Variants in ENOX2 observed in about 807,000 individuals in gnomAD.
The protein encoded by ENOX2 is ecto-NOX disulfide-thiol exchanger 2.
A neutral mutation model predicts 45.0 loss-of-function variants in ENOX2; 36 were observed. The ratio of observed to expected loss-of-function variants is 0.80; its 90% CI spans 0.61 to 1.06. The LOEUF is 1.06. Ranked by LOEUF, ENOX2 falls within the 50% of genes least tolerant of loss-of-function variation. The pLI is 0.00. For synonymous variants in ENOX2, 174 were observed against 152.3 expected (o/e 1.14, Z -1.05); for missense variants, 423 against 462.5 (o/e 0.91, Z 0.78).
intron 2 of ENOX2, among the ~76,000 whole-genome samples, chrX:130,865,817 T>C (rs1382463227): frequency 9.0e-6 from 1 of 111,361 alleles, no homozygotes; most frequent in East Asian, 2.8e-4. Context: ...AATTGTTTTT[T>C]CAGCCTTCTT....
chrX:130,774,437 T>C (rs756720212), intron 3 of ENOX2, among the ~76,000 whole-genome samples: 10 of 112,185 alleles, frequency 8.9e-5, no homozygotes, highest in Non-Finnish European at 1.9e-4. Flanking sequence ...AATTAGTATC[T>C]GTGTTTGTTT....
At chrX:130,662,334 C>G (rs1221552223) in intron 9 of ENOX2, among the ~76,000 whole-genome samples, 2 of 112,388 alleles carry the variant, frequency 1.8e-5, no homozygotes, top group African/African-American at 6.5e-5. Flanking sequence ...TTTCTCTCAG[C>G]AGAGTAAGAC....
intron 3 of ENOX2, among the ~76,000 whole-genome samples, chrX:130,719,357 C>T (rs1389565663): frequency 2.7e-5 from 3 of 109,552 alleles, no homozygotes; most frequent in African/African-American, 1.0e-4. Flanking sequence ...GTTAGGCTAC[C>T]TGCTTAGGTG....
At chrX:130,856,190 C>T (rs1235510401) in intron 2 of ENOX2, among the ~76,000 whole-genome samples, 1 of 112,491 alleles carries the variant, frequency 8.9e-6, no homozygotes, top group Non-Finnish European at 1.9e-5. Flanking sequence ...GCCTTATCCA[C>T]CATGATGGTA....
intron 3 of ENOX2, among the ~76,000 whole-genome samples, chrX:130,770,147 C>G (rs2039705213): frequency 8.9e-6 from 1 of 111,824 alleles, no homozygotes; most frequent in African/African-American, 3.3e-5. Context: ...TTAGCACATA[C>G]CAGATTCCAC....
intron 2 of ENOX2, among the ~76,000 whole-genome samples, chrX:130,807,431 G>T (rs1032068908): frequency 9.0e-6 from 1 of 111,460 alleles, no homozygotes; most frequent in African/African-American, 3.3e-5. Context: ...CAGAGAAAAA[G>T]AAGTTTCAGA....
chrX:130,800,327 A>G (rs2077197083), intron 2 of ENOX2, among the ~76,000 whole-genome samples: 1 of 106,820 alleles, frequency 9.4e-6, no homozygotes, highest in African/African-American at 3.5e-5. Context: ...GTATTGTTAT[A>G]CAGCAATGAG....
intron 9 of ENOX2, among the ~76,000 whole-genome samples, chrX:130,664,666 C>T (rs1235125773): frequency 8.9e-6 from 1 of 112,376 alleles, no homozygotes; most frequent in Non-Finnish European, 1.9e-5. Context: ...ATAACTTGCT[C>T]AGTCACACAG....
chrX:130,879,679 A>T (rs1367369972), intron 2 of ENOX2, among the ~76,000 whole-genome samples: 1 of 112,192 alleles, frequency 8.9e-6, no homozygotes, highest in African/African-American at 3.2e-5. Flanking sequence ...ACTAACAAGG[A>T]TTAAATAAAA....
At chrX:130,845,373 C>T (rs1325472071) in intron 2 of ENOX2, among the ~76,000 whole-genome samples, 1 of 112,620 alleles carries the variant, frequency 8.9e-6, no homozygotes, top group East Asian at 2.8e-4. Flanking sequence ...AACCATTATC[C>T]TTGCCAACAT....
chrX:130,638,431 AACACACACACACACACACAC>A (rs34648095), intron 10 of ENOX2, among the ~76,000 whole-genome samples: 1 of 92,767 alleles, frequency 1.1e-5, no homozygotes, highest in Non-Finnish European at 2.2e-5. Context: ...AACAATTTGA[AACACACACACACACACACAC>A]ACACACACAC....
At chrX:130,902,485 G>A (rs1194678838) in intron 1 of ENOX2, among the ~76,000 whole-genome samples, 1 of 110,126 alleles carries the variant, frequency 9.1e-6, no homozygotes, top group Non-Finnish European at 1.9e-5. Context: ...AGGTGGCTGA[G>A]GGGCCAGTAA....
intron 2 of ENOX2, among the ~76,000 whole-genome samples, chrX:130,784,356 A>G (rs186415164): frequency 1.8e-5 from 2 of 111,145 alleles, no homozygotes; most frequent in African/African-American, 6.5e-5. Flanking sequence ...GGTATTTTCT[A>G]CTCTCCAAGT....
chrX:130,849,204 T>A (rs1273984339), intron 2 of ENOX2, among the ~76,000 whole-genome samples: 1 of 112,769 alleles, frequency 8.9e-6, no homozygotes, highest in African/African-American at 3.2e-5. Flanking sequence ...CAACTGTTGT[T>A]ACATAATTAA....
At chrX:130,759,087 G>T (rs1225536210) in intron 3 of ENOX2, among the ~76,000 whole-genome samples, 7 of 110,827 alleles carry the variant, frequency 6.3e-5, no homozygotes, top group African/African-American at 2.3e-4. Context: ...TTTCTTTTAT[G>T]GACTGTGTTT....
chrX:130,659,020 T>C, intron 9 of ENOX2, among the ~76,000 whole-genome samples: 1 of 112,254 alleles, frequency 8.9e-6, no homozygotes, highest in Non-Finnish European at 1.9e-5. Context: ...CTGTGCATTT[T>C]GAAGCAGCTT....
chrX:130,875,397 T>G (rs1170379410), intron 2 of ENOX2, among the ~76,000 whole-genome samples: 1 of 109,520 alleles, frequency 9.1e-6, no homozygotes, highest in Non-Finnish European at 1.9e-5. Flanking sequence ...ATCAAAAGAG[T>G]GTGGTACTGA....
chrX:130,665,098 T>C (rs1413322720), intron 9 of ENOX2, among the ~76,000 whole-genome samples: 1 of 112,236 alleles, frequency 8.9e-6, no homozygotes, highest in African/African-American at 3.2e-5. Context: ...AGTGTTATGC[T>C]AAAAATGTCA....
intron 3 of ENOX2, among the ~76,000 whole-genome samples, chrX:130,745,306 C>G (rs10126821): frequency 2.1e-3 from 231 of 112,225 alleles, no homozygotes; most frequent in African/African-American, 7.2e-3. Context: ...CTCCTCTTTT[C>G]TTTCCTCTGT....
Sources: allele counts gnomAD v4.1 joint callset (sites outside exome capture counted in the v4.1 genomes callset), GRCh38; gene constraint gnomAD v4.1.1; transcripts MANE v1.5; gene names NCBI Gene and HGNC (gene_info 2026-07-23, HGNC 2026-07-21).